Variants in ARHGAP28 observed in about 807,000 individuals in gnomAD.
The protein encoded by ARHGAP28 is Rho GTPase activating protein 28.
A neutral mutation model predicts 90.7 loss-of-function variants in ARHGAP28; 56 were observed. That is an observed-to-expected ratio of 0.62 (90% CI 0.50 to 0.77). ARHGAP28 has a LOEUF of 0.77. Among genes scored for constraint, ARHGAP28 ranks in the 30% least tolerant of loss-of-function variants. The pLI, the probability that ARHGAP28 is intolerant of heterozygous loss-of-function variation, is 0.00. For synonymous variants in ARHGAP28, 308 were observed against 323.3 expected, an observed-to-expected ratio of 0.95 and a Z score of 0.51; for missense variants, 869 against 900.9, an observed-to-expected ratio of 0.96 and a Z score of 0.45.
At chr18:6,734,664 C>A (rs952324255) in intron 1 of ARHGAP28, among the ~76,000 whole-genome samples, 5 of 152,104 alleles carry the variant, frequency 3.3e-5, no homozygotes, top group Admixed American at 1.3e-4. Context: ...CTTTCCTGGA[C>A]TGAAATTAAT....
At position 6,896,766 on chromosome 18, in the gene ARHGAP28, A is replaced by C. The variant is rs946567524; in HGVS notation, c.2030+140A>C. 2.2e-5 allele frequency: 22 copies of C among 989,062 alleles called. No homozygotes were observed. The African/African-American group carries it at 3.4e-4, about 15-fold the overall frequency. The allele number at this position is 989,062 out of a possible 1,614,324, so 61.3% of individuals were successfully genotyped here. A position where few individuals can be genotyped will look rare whatever the true frequency, so the allele number is the denominator to read the frequency against. ...AGGGAGTTTACCAGTGGATTACGAGAATAAAAAGAGAATGAAGTTAGTAGA... is the reference window on the plus strand; with the variant it reads ...AGGGAGTTTACCAGTGGATTACGAGCATAAAAAGAGAATGAAGTTAGTAGA... On this transcript the variant is annotated intron_variant, in intron 16 of 17. Coordinates refer to ENST00000383472, the MANE Select transcript of ARHGAP28 (RefSeq NM_001366230.1).
intron 9 of ARHGAP28, among the ~76,000 whole-genome samples, chr18:6,875,870 C>T (rs573791418): frequency 1.3e-4 from 20 of 152,238 alleles, no homozygotes; most frequent in South Asian, 8.3e-4. Context: ...GTTAAGAGCA[C>T]GAACTTGAGT....
Position 6,871,650 on chromosome 18 carries a change from T to G in ARHGAP28, c.954+918T>G, listed in dbSNP as rs545765349. Among the ~76,000 whole-genome samples the G allele has an allele frequency of 8.5e-5, 13 of 152,310 alleles. No individual in the cohort carries two copies. The East Asian group carries it at 2.3e-3, about 27-fold the overall frequency. ...CCAATGCATGTGTGAAAAGTTTATC[T>G]TGTGGAGTCCTGAATACTCTGTGCT... On this transcript the variant is annotated intron_variant, in intron 7 of 17. Coordinates refer to ENST00000383472, the MANE Select transcript of ARHGAP28 (RefSeq NM_001366230.1).
chr18:6,797,083 C>T (rs1387267066), intron 1 of ARHGAP28, among the ~76,000 whole-genome samples: 1 of 152,140 alleles, frequency 6.6e-6, no homozygotes, highest in African/African-American at 2.4e-5. Flanking sequence ...CTTTGGGGCT[C>T]TATTTGTTTC....
intron 11 of ARHGAP28, among the ~76,000 whole-genome samples, chr18:6,885,802 G>GTT (rs11415807): frequency 0.28 from 39,240 of 141,630 alleles, 5,464 homozygotes; most frequent in African/African-American, 0.33. Context: ...CCCCAGAGTT[G>GTT]TTTTTTTTTT....
At chr18:6,840,631 G>A (rs1032109274) in intron 3 of ARHGAP28, among the ~76,000 whole-genome samples, 2 of 152,154 alleles carry the variant, frequency 1.3e-5, no homozygotes, top group Non-Finnish European at 2.9e-5. Flanking sequence ...TGAGGAGTGA[G>A]GAATGGCCCA....
chr18:6,912,318 C>T lies in ARHGAP28; in HGVS notation c.*164C>T, dbSNP rs2163467. ...TAAGCATGAACTATGGAAGAGGCGC[C>T]GGTTCACCAATTCAACTGAAGCTTT... On this transcript the variant is annotated 3_prime_UTR_variant, in exon 18 of 18. Transcript: ENST00000383472. 0.82 allele frequency: 327,342 copies of T among 400,370 alleles called. 134,620 individuals are homozygous for T. Among genetic ancestry groups the T allele is most frequent in the Non-Finnish European group, 0.86 (191,706 of 224,160 alleles). 24.8% of individuals were successfully genotyped at this position (400,370 alleles called of 1,614,324 possible). A position where few individuals can be genotyped will look rare whatever the true frequency, so the allele number is the denominator to read the frequency against.
chr18:6,858,054 G>A (rs1217936030), intron 4 of ARHGAP28, among the ~76,000 whole-genome samples: 2 of 152,132 alleles, frequency 1.3e-5, no homozygotes, highest in Non-Finnish European at 2.9e-5. Flanking sequence ...CATGTCTTTT[G>A]TTGTGGCATC....
intron 1 of ARHGAP28, among the ~76,000 whole-genome samples, chr18:6,740,726 G>T (rs1322155050): frequency 6.6e-6 from 1 of 152,124 alleles, no homozygotes; most frequent in Admixed American, 6.5e-5. Context: ...ACCAGCTAAG[G>T]AGCTCAGAGT....
At chr18:6,874,838 T>TA (rs1395329476) in intron 9 of ARHGAP28, 149 of 152,196 alleles carry the variant, frequency 9.8e-4, no homozygotes, top group Middle Eastern at 6.8e-3. Flanking sequence ...GTTTATGTAA[T>TA]ACCACGTCTA....
chr18:6,775,529 TTA>T (rs2056276807), intron 1 of ARHGAP28, among the ~76,000 whole-genome samples: 1 of 152,170 alleles, frequency 6.6e-6, no homozygotes, highest in East Asian at 1.9e-4. Context: ...TTGTTTGTTT[TTA>T]GTTTTACCTC....
chr18:6,881,503 G>A (rs1188897317), intron 10 of ARHGAP28, among the ~76,000 whole-genome samples: 2 of 152,152 alleles, frequency 1.3e-5, no homozygotes, highest in African/African-American at 4.8e-5. Context: ...TAGAACTTAC[G>A]GAGGCTTAGA....
intron 1 of ARHGAP28, among the ~76,000 whole-genome samples, chr18:6,799,447 G>T (rs2056465877): frequency 6.6e-6 from 1 of 152,146 alleles, no homozygotes; most frequent in Non-Finnish European, 1.5e-5. Flanking sequence ...TAAGCAAAAA[G>T]AACAAAGCCG....
chr18:6,909,301 T>TTTTCTTTTCTTTTC (rs56989288), intron 17 of ARHGAP28, among the ~76,000 whole-genome samples: 2,212 of 31,440 alleles, frequency 0.07, 140 homozygotes, highest in Non-Finnish European at 0.11. Flanking sequence ...TTTTCTTTTC[T>TTTTCTTTTCTTTTC]TTTTTTTTTG....
chr18:6,895,912 A>C (rs927465738), intron 15 of ARHGAP28, among the ~76,000 whole-genome samples: 12 of 152,180 alleles, frequency 7.9e-5, no homozygotes, highest in Non-Finnish European at 2.9e-5. Context: ...AATCGTGTAC[A>C]TCACCATCCT....
chr18:6,835,862 T>A (rs1284672831), intron 2 of ARHGAP28, among the ~76,000 whole-genome samples: 2 of 151,772 alleles, frequency 1.3e-5, no homozygotes, highest in Admixed American at 1.3e-4. Context: ...TACATTGATT[T>A]AAAAAAAAAT....
At chr18:6,868,290 CACTCAAT>C in intron 6 of ARHGAP28, 56 bp downstream of exon 6, 1 of 1,456,410 alleles carries the variant, frequency 6.9e-7, no homozygotes, top group East Asian at 2.3e-5. Context: ...TTTGTTCTGG[CACTCAAT>C]ACAGTTAGCA....
intron 16 of ARHGAP28, among the ~76,000 whole-genome samples, chr18:6,900,913 GAA>G (rs139975746): frequency 0.25 from 38,196 of 152,048 alleles, 5,405 homozygotes; most frequent in East Asian, 0.38. Flanking sequence ...TATCCAGAGA[GAA>G]ATGAGGACAC....
chr18:6,780,321 A>G (rs1404272238), intron 1 of ARHGAP28, among the ~76,000 whole-genome samples: 1 of 152,192 alleles, frequency 6.6e-6, no homozygotes, highest in Non-Finnish European at 1.5e-5. Flanking sequence ...ATAAAAACTA[A>G]CTACGACAAT....
Sources: allele counts gnomAD v4.1 joint callset (sites outside exome capture counted in the v4.1 genomes callset), GRCh38; gene constraint gnomAD v4.1.1; transcripts MANE v1.5; gene names NCBI Gene and HGNC (gene_info 2026-07-23, HGNC 2026-07-21).